TTC7A: variants seen among roughly 807,000 people sequenced by gnomAD.
The protein encoded by TTC7A is tetratricopeptide repeat protein 7A.
TTC7A carries 110 observed loss-of-function variants against 103.7 expected under a neutral mutation model. The ratio of observed to expected loss-of-function variants is 1.06; its 90% CI spans 0.91 to 1.24. The LOEUF (loss-of-function observed/expected upper bound fraction) is 1.24. Among genes scored for constraint, TTC7A ranks in the 50% most tolerant of loss-of-function variants. The pLI is 0.00. For synonymous variants in TTC7A, 521 were observed against 467.9 expected (o/e 1.11, Z -1.47); for missense variants, 1,340 against 1,116.3 (o/e 1.20, Z -2.86).
At chr2:47,006,799 C>G in intron 10 of TTC7A, 75 bp downstream of exon 10, 1 of 1,244,424 alleles carries the variant, frequency 8.0e-7, no homozygotes, top group Admixed American at 1.7e-5. Flanking sequence ...AGGGGCTTTT[C>G]TGGCCAGGGG....
At chr2:47,073,564 A>G (rs1174197123) in intron 19 of TTC7A, 138 bp from the exon 20 acceptor site, 4 of 725,496 alleles carry the variant, frequency 5.5e-6, no homozygotes, top group Non-Finnish European at 9.5e-6. Context: ...CAGTCACTTA[A>G]CAGTGCCCAA....
intron 5 of TTC7A, among the ~76,000 whole-genome samples, chr2:46,987,815 T>C (rs537862089): frequency 0.096 from 13,725 of 142,650 alleles, 733 homozygotes; most frequent in Admixed American, 0.14. Context: ...CGCGCGTGTG[T>C]GTGTGTGTGT....
chr2:47,023,399 C>T lies in TTC7A; in HGVS notation c.1511-9C>T, dbSNP rs200911031. The T allele has an allele frequency of 5.6e-6, 9 of 1,613,844 alleles. No homozygotes were observed. Among genetic ancestry groups the T allele is most frequent in the Non-Finnish European group, 6.8e-6 (8 of 1,179,928 alleles). On this transcript the variant is annotated splice_polypyrimidine_tract_variant and intron_variant, in intron 12 of 19. Coordinates refer to ENST00000319190, the MANE Select transcript of TTC7A (RefSeq NM_020458.4). ...CCTGATGGCTCAGTTTCTGTCCTGT[C>T]CCCTGCAGCCACCCTGAAGTCCAAG...
chr2:46,958,725 C>T (rs1672117918), intron 3 of TTC7A, among the ~76,000 whole-genome samples: 2 of 152,192 alleles, frequency 1.3e-5, no homozygotes, highest in African/African-American at 4.8e-5. Flanking sequence ...TTTGCCTGAC[C>T]CTGTGTGTGC....
chr2:47,046,360 A>C lies in TTC7A; in HGVS notation c.1848A>C (p.Pro616=), dbSNP rs1682317561. ...AGCTGGAGCAGGTGCTGAAAGGCCC[A>C]GAGGAAGCCCTCGTGACCTGCAGAC... is the stretch of plus-strand genomic sequence containing the variant. ...KVKLEQVLKG[P]EEALVTCRQV... Residue 616 remains proline (P), a synonymous_variant, in exon 16 of 20, where the codon CCA becomes CCC. Transcript: ENST00000319190. 1 of 1,614,094 alleles carries C rather than the reference A, an allele frequency of 6.2e-7. No individual in the cohort carries two copies. The highest frequency in any genetic ancestry group is 1.7e-5 in the Admixed American group (1 of 60,014).
chr2:46,915,942 C>T (rs1054048361), upstream of TTC7A: 7 of 985,394 alleles, frequency 7.1e-6, no homozygotes, highest in South Asian at 4.7e-5. Flanking sequence ...TGTAATCGGC[C>T]CGGGCCCAGC....
At chr2:47,024,443 C>T in intron 14 of TTC7A, 84 bp downstream of exon 14, 3 of 1,278,836 alleles carry the variant, frequency 2.3e-6, no homozygotes, top group Non-Finnish European at 3.2e-6. Context: ...CTGTGTGACC[C>T]TCTGCAAGTG....
Position 47,011,576 on chromosome 2 carries a change from A to G in TTC7A, c.1392+141A>G, listed in dbSNP as rs555663390. ...AGCTACCAGGCAGATGGGCCTGGGC[A>G]GGGAGAAAGTCTCTGAGGAGCTGCC... On this transcript the variant is annotated intron_variant, in intron 11 of 19. Coordinates refer to ENST00000319190, the MANE Select transcript of TTC7A (RefSeq NM_020458.4). The G allele has an allele frequency of 1.2e-4, 80 of 653,022 alleles. No homozygotes were observed. In the African/African-American group the frequency reaches 1.3e-3, roughly 10 times the overall value. The allele number at this position is 653,022 out of a possible 1,614,324, so 40.5% of individuals were successfully genotyped here.
At chr2:46,937,668 A>G (rs1558484272), upstream of TTC7A, among the ~76,000 whole-genome samples, 1 of 151,998 alleles carries the variant, frequency 6.6e-6, no homozygotes, top group Non-Finnish European at 1.5e-5. The surrounding 1 kb of genome is among the most constrained non-coding windows in gnomAD (Gnocchi z 4.0). Context: ...GAATTCCTGG[A>G]CTCAAGTGAT....
chr2:46,981,705 C>A (rs933386749), intron 5 of TTC7A, among the ~76,000 whole-genome samples: 23 of 152,250 alleles, frequency 1.5e-4, no homozygotes, highest in Non-Finnish European at 2.9e-4. Flanking sequence ...TCTCCAGGTG[C>A]TCTGGGACTG....
exon 1 of TTC7A, chr2:46,916,251 C>A: frequency 1.2e-6 from 1 of 838,912 alleles, no homozygotes; most frequent in African/African-American, 1.8e-5. Context: ...CTTGATGAAA[C>A]GACCACAACA....
At chr2:46,924,270 G>T (rs1669271970) in intron 2 of TTC7A, among the ~76,000 whole-genome samples, 1 of 150,168 alleles carries the variant, frequency 6.7e-6, no homozygotes, top group Non-Finnish European at 1.5e-5. Flanking sequence ...CTGTAAACCA[G>T]TAAAACTGTA....
chr2:46,924,453 G>A (rs1313520585), intron 2 of TTC7A, among the ~76,000 whole-genome samples: 1 of 151,932 alleles, frequency 6.6e-6, no homozygotes, highest in Non-Finnish European at 1.5e-5. Context: ...AATCATATTT[G>A]TGAAGAATTT....
At position 47,023,445 on chromosome 2, in the gene TTC7A, G is replaced by A; in HGVS notation, c.1548G>A (p.Lys516=). ...CCAAGCAAGATGAATTGCACCGGAA[G>A]GCACTGCAGACGCTGGAGAGGTGAG... ...LKSKQDELHR[K]ALQTLERAQQ... Residue 516 remains lysine (K), a synonymous_variant, in exon 13 of 20, where the codon AAG becomes AAA. Transcript: ENST00000319190. 6.2e-7 allele frequency: 1 copy of A among 1,614,122 alleles called. No homozygotes were observed. Among genetic ancestry groups the A allele is most frequent in the Non-Finnish European group, 8.5e-7 (1 of 1,180,004 alleles).
chr2:46,964,486 C>T (rs967384396), intron 3 of TTC7A, among the ~76,000 whole-genome samples: 1 of 152,112 alleles, frequency 6.6e-6, no homozygotes, highest in Non-Finnish European at 1.5e-5. Flanking sequence ...TGTGGGTCAC[C>T]ACACCCTGAG....
At chr2:47,039,174 T>C (rs886420185) in intron 15 of TTC7A, among the ~76,000 whole-genome samples, 1 of 152,180 alleles carries the variant, frequency 6.6e-6, no homozygotes. Flanking sequence ...CCTGGAAGTA[T>C]ACCCACATCA....
chr2:46,946,347 A>C (rs1670938049), intron 1 of TTC7A, among the ~76,000 whole-genome samples: 1 of 152,238 alleles, frequency 6.6e-6, no homozygotes, highest in Non-Finnish European at 1.5e-5. Context: ...GGACAACAGG[A>C]TGATAAAAAG....
chr2:46,990,079 T>G (rs1675470474), intron 5 of TTC7A, among the ~76,000 whole-genome samples: 1 of 152,206 alleles, frequency 6.6e-6, no homozygotes, highest in African/African-American at 2.4e-5. Context: ...CACAGGGCCC[T>G]AGGCAGCCCC....
At chr2:47,042,700 G>A (rs1294978321) in intron 15 of TTC7A, among the ~76,000 whole-genome samples, 14 of 137,120 alleles carry the variant, frequency 1.0e-4, no homozygotes, top group South Asian at 2.2e-4. Flanking sequence ...GTGTGTGTGT[G>A]TGTATATATA....
Sources: gnomAD v4.1 joint callset for allele counts (sites outside exome capture counted in the v4.1 genomes callset) on GRCh38, gnomAD v4.1.1 for gene constraint, Gnocchi (gnomAD v3.1) non-coding constraint, MANE v1.5 for transcripts, NCBI Gene and HGNC (gene_info 2026-07-23, HGNC 2026-07-21) for gene names.